Variants in LRBA observed in about 807,000 individuals in gnomAD.
The protein encoded by LRBA is LPS responsive beige-like anchor protein.
In LRBA, 176 loss-of-function variants were observed where a neutral mutation model predicts 330.0. That is an observed-to-expected ratio of 0.53 (90% CI 0.47 to 0.60). LRBA has a LOEUF of 0.60. Among genes scored for constraint, LRBA ranks in the 20% least tolerant of loss-of-function variants. The probability of loss-of-function intolerance (pLI) is 0.00; values close to 1 mark genes in which losing one functional copy is unlikely to be tolerated. For missense variants in LRBA, 3,259 were observed against 3,444.8 expected (o/e 0.95, Z 1.35); for synonymous variants, 1,230 against 1,193.0 (o/e 1.03, Z -0.64).
Position 150,775,871 on chromosome 4 carries a change from G to A in LRBA, c.5581-14024C>T, listed in dbSNP as rs1578744536. ...GGGAGAGGAAGGACGAGTAAGGGAA[G>A]AGAGGAGGAGGGAAAAGAGAAGAAG... On this transcript the variant is annotated intron_variant, in intron 34 of 56. Transcript: ENST00000651943. Among the ~76,000 whole-genome samples the A allele has an allele frequency of 2.0e-5, 3 of 146,808 alleles. No homozygotes were observed. The Admixed American group carries it at 2.0e-4, about 10-fold the overall frequency.
intron 37 of LRBA, among the ~76,000 whole-genome samples, chr4:150,619,412 T>C (rs1776090470): frequency 1.3e-5 from 2 of 152,176 alleles, no homozygotes; most frequent in Admixed American, 1.3e-4. Context: ...AACACCTGTT[T>C]AACTCCAAAT....
intron 31 of LRBA, among the ~76,000 whole-genome samples, chr4:150,813,432 A>T (rs1248198508): frequency 3.3e-5 from 5 of 152,214 alleles, no homozygotes; most frequent in Non-Finnish European, 4.4e-5. Flanking sequence ...GCTAAGGTAT[A>T]CTATTCAAAT....
chr4:150,662,085 G>T (rs766913627), intron 37 of LRBA, among the ~76,000 whole-genome samples: 1 of 152,150 alleles, frequency 6.6e-6, no homozygotes, highest in African/African-American at 2.4e-5. Context: ...ACAAGAGCAA[G>T]TGTCTAAAAT....
rs1183395156 is a variant in LRBA, at chr4:150,583,217, A to T, written c.6330+4831T>A. On this transcript the variant is annotated intron_variant, in intron 40 of 56. Coordinates refer to ENST00000651943, the MANE Select transcript of LRBA (RefSeq NM_001364905.1). This position sits in a 1 kb window ranked among gnomAD's most constrained non-coding sequence, Gnocchi z 9.8. ...TCCTTGAGCGAGATCGATGCCCGCT[A>T]CGAGGGGCTCGAGGTCATTTCGCCC... 6.2e-7 allele frequency: 1 copy of T among 1,614,210 alleles called. No homozygotes were observed. The highest frequency in any genetic ancestry group is 1.1e-5 in the South Asian group (1 of 91,082).
At chr4:150,907,303 G>T (rs1160312709) in intron 11 of LRBA, among the ~76,000 whole-genome samples, 1 of 75,728 alleles carries the variant, frequency 1.3e-5, no homozygotes, top group Non-Finnish European at 2.7e-5. Context: ...GGAGAGAAGT[G>T]GGGGAGAGGG....
At chr4:150,482,932 A>G (rs1757456878) in intron 42 of LRBA, among the ~76,000 whole-genome samples, 1 of 152,044 alleles carries the variant, frequency 6.6e-6, no homozygotes, top group African/African-American at 2.4e-5. Context: ...TTTATCACAC[A>G]TAAGTTGAAC....
chr4:150,457,535 A>G (rs1464054877), intron 44 of LRBA, among the ~76,000 whole-genome samples: 2 of 152,172 alleles, frequency 1.3e-5, no homozygotes, highest in East Asian at 3.9e-4. Context: ...ACATATTCAC[A>G]TACAAAGTAA....
At chr4:150,587,006 T>C (rs1772191246) in intron 40 of LRBA, among the ~76,000 whole-genome samples, 4 of 152,174 alleles carry the variant, frequency 2.6e-5, no homozygotes, top group Admixed American at 2.0e-4. Context: ...AAGTTTTCTC[T>C]ACATTGGATT....
At chr4:150,477,519 C>A (rs1352603085) in intron 42 of LRBA, among the ~76,000 whole-genome samples, 2 of 152,020 alleles carry the variant, frequency 1.3e-5, no homozygotes, top group African/African-American at 4.8e-5. Flanking sequence ...ATCATGAGAA[C>A]AACATGGGGG....
At chr4:150,414,422 C>T (rs1747433092) in intron 47 of LRBA, among the ~76,000 whole-genome samples, 1 of 152,132 alleles carries the variant, frequency 6.6e-6, no homozygotes, top group African/African-American at 2.4e-5. Context: ...GAAGTAAAAA[C>T]AATGCAACTG....
intron 38 of LRBA, among the ~76,000 whole-genome samples, chr4:150,597,636 C>T: frequency 6.6e-6 from 1 of 151,592 alleles, no homozygotes; most frequent in Non-Finnish European, 1.5e-5. Context: ...CATGGTAATA[C>T]ATTTTGTTAA....
intron 34 of LRBA, among the ~76,000 whole-genome samples, chr4:150,763,381 G>C (rs942959239): frequency 3.0e-4 from 46 of 151,934 alleles, no homozygotes; most frequent in Non-Finnish European, 5.3e-4. Context: ...AGAAATTCAT[G>C]ACTTGTAATT....
intron 17 of LRBA, among the ~76,000 whole-genome samples, chr4:150,886,085 T>C (rs1269921838): frequency 6.6e-6 from 1 of 152,032 alleles, no homozygotes; most frequent in South Asian, 2.1e-4. Flanking sequence ...GTCCCAAATA[T>C]TAATAAAATT....
chr4:150,561,727 G>A (rs1768365725), intron 40 of LRBA, among the ~76,000 whole-genome samples: 1 of 152,082 alleles, frequency 6.6e-6, no homozygotes, highest in Admixed American at 6.6e-5. Context: ...CCTGCATAAA[G>A]CCATTACTTT....
intron 2 of LRBA, among the ~76,000 whole-genome samples, chr4:150,939,857 T>C (rs1735477114): frequency 6.6e-6 from 1 of 152,088 alleles, no homozygotes; most frequent in Non-Finnish European, 1.5e-5. Context: ...GGGTGAAATA[T>C]CACCTATTGG....
intron 2 of LRBA, among the ~76,000 whole-genome samples, chr4:150,934,865 G>A (rs554832210): frequency 7.7e-4 from 117 of 152,130 alleles, no homozygotes; most frequent in Admixed American, 2.4e-3. Flanking sequence ...AAAATTAGCC[G>A]GGCATGGTGA....
intron 36 of LRBA, among the ~76,000 whole-genome samples, chr4:150,726,006 T>C (rs903280927): frequency 3.9e-5 from 6 of 151,942 alleles, no homozygotes; most frequent in Admixed American, 2.0e-4. Context: ...GTACACAAAA[T>C]ATAAAAAGCA....
chr4:150,859,489 G>T (rs1207487934), intron 22 of LRBA, among the ~76,000 whole-genome samples: 1 of 152,010 alleles, frequency 6.6e-6, no homozygotes, highest in Non-Finnish European at 1.5e-5. Flanking sequence ...AAAAAAAAAT[G>T]AAAACCTAGA....
chr4:150,842,925 G>A (rs1010367329), intron 28 of LRBA, among the ~76,000 whole-genome samples: 1 of 152,064 alleles, frequency 6.6e-6, no homozygotes, highest in Admixed American at 6.6e-5. Flanking sequence ...TGGGGGTAGG[G>A]GGCATGGTTT....
Sources: gnomAD v4.1 joint callset for allele counts (sites outside exome capture counted in the v4.1 genomes callset) on GRCh38, gnomAD v4.1.1 for gene constraint, Gnocchi (gnomAD v3.1) non-coding constraint, MANE v1.5 for transcripts, NCBI Gene and HGNC (gene_info 2026-07-23, HGNC 2026-07-21) for gene names.